The following TEKT5 variants were observed in gnomAD, a reference collection of about 807,000 sequenced individuals.
TEKT5 encodes the protein tektin-5.
Under a neutral mutation model 48.7 loss-of-function variants are expected in TEKT5, and 52 were observed. That is an observed-to-expected ratio of 1.07 (90% CI 0.86 to 1.35). The LOEUF is 1.35. TEKT5 is among the 40% of genes most tolerant of loss of function. The pLI, the probability that TEKT5 is intolerant of heterozygous loss-of-function variation, is 0.00. For synonymous variants in TEKT5, 318 were observed against 267.6 expected, an observed-to-expected ratio of 1.19 and a Z score of -1.84; for missense variants, 831 against 641.6, an observed-to-expected ratio of 1.30 and a Z score of -3.19.
intron 5 of TEKT5, among the ~76,000 whole-genome samples, chr16:10,667,332 A>C (rs1435807223): frequency 6.6e-6 from 1 of 152,134 alleles, no homozygotes; most frequent in Non-Finnish European, 1.5e-5. Flanking sequence ...GTGAACTGTA[A>C]CCTAACTGGA....
chr16:10,687,527 C>A (rs1346303497), intron 3 of TEKT5, among the ~76,000 whole-genome samples: 1 of 152,202 alleles, frequency 6.6e-6, no homozygotes, highest in Non-Finnish European at 1.5e-5. Context: ...CTGAGGTGGG[C>A]AGATCACCTG....
At position 10,690,018 on chromosome 16, in the gene TEKT5, A is replaced by G. The variant is rs1257495977; in HGVS notation, c.572T>C (p.Leu191Ser). The change falls in exon 2 of 7, where the codon TTG (leucine) becomes TCG (serine). Residue 191 changes from leucine to serine, a missense_variant. By Grantham distance (145) the Leu-to-Ser change is moderately radical. Transcript: ENST00000283025. ...CTTCTCTCGATGGTACAGACACTCC[A>G]AGGCCACCTGTGGGAAGCAGCAGAA... ...NEVNCPLQVA[L>S]ECLYHREKRI... 6.2e-7 allele frequency: 1 copy of G among 1,614,010 alleles called. No homozygotes were observed. Among genetic ancestry groups the G allele is most frequent in the South Asian group, 1.1e-5 (1 of 91,058 alleles).
chr16:10,635,775 G>A lies in TEKT5; in HGVS notation c.1230C>T (p.Ile410=), dbSNP rs768949281. 6.2e-7 allele frequency: 1 copy of A among 1,612,208 alleles called. No homozygotes were observed. The highest frequency in any genetic ancestry group is 1.7e-5 in the Admixed American group (1 of 59,880). The change falls in exon 6 of 7, where the codon ATC becomes ATT. Residue 410 remains isoleucine, a synonymous_variant. Transcript: ENST00000283025. ...RRPNMELCRD[I]PQLKLVNEVF... ...CCTCCCTCACTTACTTCAACTGCGG[G>A]ATGTCCCTGCACAGCTCCATGTTGG...
chr16:10,672,260 TAAA>T (rs997979572), intron 5 of TEKT5, among the ~76,000 whole-genome samples: 1 of 151,246 alleles, frequency 6.6e-6, no homozygotes, highest in Non-Finnish European at 1.5e-5. Context: ...CTTCATTCTT[TAAA>T]AAAAAACCTC....
At position 10,689,342 on chromosome 16, in the gene TEKT5, G is replaced by T; in HGVS notation, c.649-19C>A. On this transcript the variant is annotated intron_variant, in intron 2 of 6. Coordinates refer to ENST00000283025, the MANE Select transcript of TEKT5 (RefSeq NM_144674.2). The stretch of plus-strand genomic sequence containing the variant: ...CCACTTCCTGAAATGAAAAATGTCA[G>T]AAAGAGCAGTGCCTCTTAGAACCTC... The T allele has an allele frequency of 6.2e-7, 1 of 1,606,514 alleles. No homozygotes were observed. Among genetic ancestry groups the T allele is most frequent in the Non-Finnish European group, 8.5e-7 (1 of 1,174,024 alleles).
chr16:10,668,773 A>G (rs1461124383), intron 5 of TEKT5, among the ~76,000 whole-genome samples: 3 of 152,134 alleles, frequency 2.0e-5, no homozygotes, highest in African/African-American at 7.2e-5. Context: ...ACCTCTTCCT[A>G]TGCCTGGATG....
At chr16:10,663,696 T>C in intron 5 of TEKT5, among the ~76,000 whole-genome samples, 1 of 152,190 alleles carries the variant, frequency 6.6e-6, no homozygotes, top group East Asian at 1.9e-4. Flanking sequence ...GGGGCTGTCC[T>C]GTGCATTGGG....
At chr16:10,641,230 G>T (rs1293578710) in intron 5 of TEKT5, among the ~76,000 whole-genome samples, 1 of 152,174 alleles carries the variant, frequency 6.6e-6, no homozygotes, top group Non-Finnish European at 1.5e-5. Context: ...TGAAGAGCAA[G>T]TCTTCAGAGA....
intron 5 of TEKT5, among the ~76,000 whole-genome samples, 182 bp from the exon 6 acceptor site, chr16:10,636,100 C>T (rs371878246): frequency 1.3e-5 from 2 of 152,098 alleles, no homozygotes; most frequent in East Asian, 1.9e-4. Context: ...TGAGGCTGGG[C>T]GCGGTGGCTC....
chr16:10,630,316 G>A (rs781106623), intron 6 of TEKT5, among the ~76,000 whole-genome samples: 7 of 151,748 alleles, frequency 4.6e-5, no homozygotes, highest in Admixed American at 1.3e-4. Flanking sequence ...GCTTACTGCA[G>A]CCTCAAACCT....
intron 5 of TEKT5, among the ~76,000 whole-genome samples, chr16:10,664,656 G>A (rs1400201653): frequency 6.6e-6 from 1 of 152,200 alleles, no homozygotes; most frequent in African/African-American, 2.4e-5. Context: ...GGCTGAGAGC[G>A]GCTCACCTGC....
chr16:10,690,929 C>T lies in TEKT5; in HGVS notation c.565-904G>A, dbSNP rs141070541. Among the ~76,000 whole-genome samples, 426 of 152,306 alleles carry T rather than the reference C, an allele frequency of 2.8e-3. 2 individuals carry two copies. Among genetic ancestry groups the T allele is most frequent in the African/African-American group, 9.5e-3 (396 of 41,574 alleles). The stretch of plus-strand genomic sequence containing the variant: ...CACTGACCCGTGCCACAAGGATTTC[C>T]GGAGCCCCTTCTGTGAGACATGCTC... On this transcript the variant is annotated intron_variant, in intron 1 of 6. Transcript: ENST00000283025.
chr16:10,652,492 A>ACC (rs1555465662), intron 5 of TEKT5, among the ~76,000 whole-genome samples: 3 of 122,932 alleles, frequency 2.4e-5, no homozygotes, highest in South Asian at 2.8e-4. Flanking sequence ...ACACACACAC[A>ACC]CACCCTCCAG....
chr16:10,632,141 G>T (rs1897848719), intron 6 of TEKT5, among the ~76,000 whole-genome samples: 1 of 152,296 alleles, frequency 6.6e-6, no homozygotes, highest in African/African-American at 2.4e-5. Flanking sequence ...ACTTCCACCA[G>T]CTCTGTCCAA....
chr16:10,679,122 G>C (rs1451598914), intron 4 of TEKT5, among the ~76,000 whole-genome samples: 1 of 152,170 alleles, frequency 6.6e-6, no homozygotes, highest in Non-Finnish European at 1.5e-5. Context: ...CAGGGTTGCT[G>C]AGTGTTTAAA....
At chr16:10,690,777 A>G (rs746658655) in intron 1 of TEKT5, 53 of 985,282 alleles carry the variant, frequency 5.4e-5, no homozygotes, top group Non-Finnish European at 6.3e-5. Flanking sequence ...TGGGAAGCTG[A>G]CAAACAGCAG....
At chr16:10,632,600 A>C (rs1897854516) in intron 6 of TEKT5, among the ~76,000 whole-genome samples, 1 of 151,962 alleles carries the variant, frequency 6.6e-6, no homozygotes, top group African/African-American at 2.4e-5. Flanking sequence ...CTAGCCTTTA[A>C]AGTTCAATTT....
At chr16:10,661,911 G>A (rs915721710) in intron 5 of TEKT5, among the ~76,000 whole-genome samples, 1 of 152,194 alleles carries the variant, frequency 6.6e-6, no homozygotes, top group South Asian at 2.1e-4. Flanking sequence ...CCCGTGTAAT[G>A]TGTTCAGCAC....
At chr16:10,690,267 T>C (rs1466495100) in intron 1 of TEKT5, 1 of 521,398 alleles carries the variant, frequency 1.9e-6, no homozygotes, top group Non-Finnish European at 3.4e-6. Context: ...GAAAACAGGA[T>C]AAAGTAGCAT....
Sources: gnomAD v4.1 joint callset for allele counts (sites outside exome capture counted in the v4.1 genomes callset) on GRCh38, gnomAD v4.1.1 for gene constraint, MANE v1.5 for transcripts, NCBI Gene and HGNC (gene_info 2026-07-23, HGNC 2026-07-21) for gene names.